Variants in TYW1B observed in about 807,000 individuals in gnomAD.
TYW1B encodes the protein S-adenosyl-L-methionine-dependent tRNA 4-demethylwyosine synthase TYW1B.
In TYW1B, 73 loss-of-function variants were observed where a neutral mutation model predicts 86.9. That is an observed-to-expected ratio of 0.84 (90% confidence interval 0.70 to 1.02). The LOEUF (loss-of-function observed/expected upper bound fraction) is 1.02. TYW1B is among the 50% of genes least tolerant of loss of function. TYW1B has a pLI of 0.00. For synonymous variants in TYW1B, 248 were observed against 292.8 expected (o/e 0.85, Z 1.56); for missense variants, 637 against 827.4 (o/e 0.77, Z 2.82).
chr7:72,672,796 G>C (rs1227464931), intron 11 of TYW1B, among the ~76,000 whole-genome samples: 3 of 152,178 alleles, frequency 2.0e-5, no homozygotes, highest in Non-Finnish European at 4.4e-5. Flanking sequence ...GCATATGTAT[G>C]TGTGCATACA....
chr7:72,763,355 T>C (rs1201175724), intron 7 of TYW1B, among the ~76,000 whole-genome samples: 2 of 148,610 alleles, frequency 1.3e-5, no homozygotes, highest in African/African-American at 4.9e-5. Context: ...TAGTCTCGGC[T>C]CACTGCAACC....
chr7:72,810,013 A>C (rs2129572682), intron 4 of TYW1B, among the ~76,000 whole-genome samples: 1 of 151,668 alleles, frequency 6.6e-6, no homozygotes, highest in South Asian at 2.1e-4. Context: ...AAAAAAAAAA[A>C]AAACACAGAA....
At chr7:72,758,710 C>G (rs1787637564) in intron 7 of TYW1B, among the ~76,000 whole-genome samples, 1 of 152,092 alleles carries the variant, frequency 6.6e-6, no homozygotes, top group Non-Finnish European at 1.5e-5. Flanking sequence ...ATAAGGCCAC[C>G]TTAATAATGA....
intron 9 of TYW1B, among the ~76,000 whole-genome samples, 157 bp from the exon 10 acceptor site, chr7:72,713,955 A>C (rs1786728182): frequency 6.6e-6 from 1 of 151,350 alleles, no homozygotes; most frequent in Non-Finnish European, 1.5e-5. Context: ...AGAATTATTA[A>C]ATCAGAAAAA....
At chr7:72,745,695 A>G (rs1196578652) in intron 7 of TYW1B, among the ~76,000 whole-genome samples, 1 of 151,940 alleles carries the variant, frequency 6.6e-6, no homozygotes, top group Admixed American at 6.6e-5. Flanking sequence ...AGTGAAATCA[A>G]TGTCATTCCC....
At chr7:72,590,249 G>A (rs575706086) in intron 13 of TYW1B, among the ~76,000 whole-genome samples, 51 of 152,334 alleles carry the variant, frequency 3.3e-4, no homozygotes, top group African/African-American at 1.1e-3. Flanking sequence ...AGTCCCTGAC[G>A]ACTCAGCCCC....
intron 1 of TYW1B, among the ~76,000 whole-genome samples, chr7:72,827,626 A>C (rs1375047666): frequency 6.6e-6 from 1 of 152,228 alleles, no homozygotes; most frequent in African/African-American, 2.4e-5. Context: ...CCATAAAAAA[A>C]GCTTAAGTAG....
At chr7:72,704,823 C>T (rs1223575178) in intron 10 of TYW1B, among the ~76,000 whole-genome samples, 1 of 152,030 alleles carries the variant, frequency 6.6e-6, no homozygotes, top group Non-Finnish European at 1.5e-5. Flanking sequence ...ACCAGGAGAT[C>T]CAGTCAAGAT....
At chr7:72,741,847 T>C (rs2129571302) in intron 8 of TYW1B, among the ~76,000 whole-genome samples, 1 of 152,230 alleles carries the variant, frequency 6.6e-6, no homozygotes, top group Middle Eastern at 3.4e-3. Context: ...ATTTAAAATG[T>C]TACAAGAAAA....
chr7:72,646,020 G>T (rs1293233199), intron 11 of TYW1B, among the ~76,000 whole-genome samples: 1 of 145,484 alleles, frequency 6.9e-6, no homozygotes, highest in Non-Finnish European at 1.5e-5. Context: ...ATAAAGTACT[G>T]GGAGGAGGCA....
chr7:72,676,609 T>C (rs185922777), intron 11 of TYW1B, among the ~76,000 whole-genome samples: 24 of 152,188 alleles, frequency 1.6e-4, no homozygotes, highest in Non-Finnish European at 1.5e-5. Flanking sequence ...ACATGCTTTA[T>C]TTACAGAGAA....
intron 13 of TYW1B, among the ~76,000 whole-genome samples, chr7:72,609,731 A>G (rs1348804423): frequency 6.6e-6 from 1 of 152,100 alleles, no homozygotes; most frequent in East Asian, 1.9e-4. Context: ...TTCCTAAGAA[A>G]TGGTACCATA....
chr7:72,655,573 A>G (rs1258257135), intron 11 of TYW1B, among the ~76,000 whole-genome samples: 6 of 152,132 alleles, frequency 3.9e-5, no homozygotes, highest in Non-Finnish European at 5.9e-5. Context: ...CCAGGTCCCC[A>G]GCACTCTAGT....
At position 72,731,695 on chromosome 7, in the gene TYW1B, G is replaced by T. The variant is rs1787113794; in HGVS notation, c.1083-2764C>A. 3.9e-5 allele frequency among the ~76,000 whole-genome samples: 6 copies of T among 152,282 alleles called. 1 individual carries two copies. In the South Asian group the frequency reaches 8.3e-4, roughly 21 times the overall value. On this transcript the variant is annotated intron_variant, in intron 8 of 13. Coordinates refer to ENST00000620995, the MANE Select transcript of TYW1B (RefSeq NM_001145440.3). ...GTGGTGGCTCACACCTGTAATCCCA[G>T]CACTTTGGGAGGCTGAGGCAGGGGG...
chr7:72,688,629 T>G (rs1435583311), intron 11 of TYW1B, among the ~76,000 whole-genome samples: 3 of 152,172 alleles, frequency 2.0e-5, no homozygotes, highest in Non-Finnish European at 4.4e-5. Flanking sequence ...CTCTTTGCCT[T>G]CTTTAGGCAC....
intron 11 of TYW1B, among the ~76,000 whole-genome samples, chr7:72,672,177 A>G (rs1180524151): frequency 1.3e-5 from 2 of 151,744 alleles, no homozygotes; most frequent in African/African-American, 2.4e-5. Flanking sequence ...CATCCACGTA[A>G]TAAGACGTGA....
intron 13 of TYW1B, among the ~76,000 whole-genome samples, chr7:72,578,182 C>T (rs1811071688): frequency 1.3e-5 from 2 of 149,624 alleles, no homozygotes; most frequent in South Asian, 2.1e-4. Flanking sequence ...GGCGCAATCT[C>T]GGCTCACTGC....
rs545413167 is a variant in TYW1B, at chr7:72,647,851, A to AT, written c.1507-18855dup. Among the ~76,000 whole-genome samples, 45 of 151,780 alleles carry AT rather than the reference A, an allele frequency of 3.0e-4. 1 individual carries two copies. In the South Asian group the frequency reaches 8.3e-3, roughly 28 times the overall value. On this transcript the variant is annotated intron_variant, in intron 11 of 13. Coordinates refer to ENST00000620995, the MANE Select transcript of TYW1B (RefSeq NM_001145440.3). ...AGGCACATGCCATCACATCCAGCCA[A>AT]TTTTTTTTGTATTTTTTAGTAGAGA...
intron 11 of TYW1B, among the ~76,000 whole-genome samples, chr7:72,631,174 C>T (rs1812478042): frequency 6.6e-6 from 1 of 151,674 alleles, no homozygotes. Flanking sequence ...AAAAAAAAAT[C>T]CACAACATTC....
Sources: gnomAD v4.1 joint callset for allele counts (sites outside exome capture counted in the v4.1 genomes callset) on GRCh38, gnomAD v4.1.1 for gene constraint, MANE v1.5 for transcripts, NCBI Gene and HGNC (gene_info 2026-07-23, HGNC 2026-07-21) for gene names.